Variants in HCN1 observed in about 807,000 individuals in gnomAD.
HCN1 encodes potassium/sodium hyperpolarization-activated cyclic nucleotide-gated channel 1.
In HCN1, 13 loss-of-function variants were observed where a neutral mutation model predicts 78.9. That is an observed-to-expected ratio of 0.16 (90% CI 0.11 to 0.26). HCN1 has a LOEUF of 0.26. Among genes scored for constraint, HCN1 ranks in the 10% least tolerant of loss-of-function variants. The pLI is 1.00. For synonymous variants in HCN1, 552 were observed against 455.5 expected (o/e 1.21, Z -2.70); for missense variants, 810 against 1,154.3 (o/e 0.70, Z 4.32).
chr5:45,286,266 C>T (rs1235751037), intron 6 of HCN1, among the ~76,000 whole-genome samples: 1 of 151,698 alleles, frequency 6.6e-6, no homozygotes, highest in Non-Finnish European at 1.5e-5. Context: ...TTTCTGTTCT[C>T]CAAGTTATAA....
At chr5:45,597,369 C>A (rs988835339) in intron 2 of HCN1, among the ~76,000 whole-genome samples, 30 of 152,084 alleles carry the variant, frequency 2.0e-4, no homozygotes, top group Admixed American at 1.3e-3. Flanking sequence ...AATTCAACAG[C>A]CCTTCATGCT....
intron 2 of HCN1, among the ~76,000 whole-genome samples, chr5:45,493,392 A>G (rs1448293503): frequency 1.3e-5 from 2 of 151,920 alleles, no homozygotes; most frequent in African/African-American, 2.4e-5. Flanking sequence ...AATGTCTCCA[A>G]GTCCATGATT....
At chr5:45,270,668 A>G (rs1286938563) in intron 6 of HCN1, among the ~76,000 whole-genome samples, 2 of 152,160 alleles carry the variant, frequency 1.3e-5, no homozygotes, top group Non-Finnish European at 2.9e-5. Context: ...GGATGAGATA[A>G]AGGCATGTCC....
chr5:45,331,681 C>T (rs947899262), intron 5 of HCN1, among the ~76,000 whole-genome samples: 17 of 151,350 alleles, frequency 1.1e-4, no homozygotes, highest in Non-Finnish European at 2.5e-4. Context: ...CTCAACACAC[C>T]TGCTCATAAT....
At chr5:45,590,287 T>C (rs867694854) in intron 2 of HCN1, among the ~76,000 whole-genome samples, 2 of 152,150 alleles carry the variant, frequency 1.3e-5, no homozygotes. Context: ...TCCAAAAATG[T>C]TTCATAGAAT....
At chr5:45,266,684 G>A (rs548925820) in intron 7 of HCN1, among the ~76,000 whole-genome samples, 1 of 150,758 alleles carries the variant, frequency 6.6e-6, no homozygotes, top group Non-Finnish European at 1.5e-5. Flanking sequence ...TAACAAGCAA[G>A]CTATAAACTG....
At chr5:45,525,944 A>G (rs1742728300) in intron 2 of HCN1, among the ~76,000 whole-genome samples, 1 of 151,924 alleles carries the variant, frequency 6.6e-6, no homozygotes, top group Non-Finnish European at 1.5e-5. Context: ...CCTTATAAGA[A>G]AAGAAGGAGA....
intron 5 of HCN1, among the ~76,000 whole-genome samples, chr5:45,319,087 C>G (rs1478636192): frequency 1.3e-5 from 2 of 151,958 alleles, no homozygotes; most frequent in African/African-American, 4.8e-5. Flanking sequence ...TTTATCCATT[C>G]TACTCTTCAT....
chr5:45,263,575 G>C (rs1458881184), intron 7 of HCN1, among the ~76,000 whole-genome samples: 1 of 152,164 alleles, frequency 6.6e-6, no homozygotes, highest in Non-Finnish European at 1.5e-5. Context: ...GAGGAGGACT[G>C]TATCAGGTTT....
chr5:45,358,478 T>A (rs1747047958), intron 4 of HCN1, among the ~76,000 whole-genome samples: 1 of 152,098 alleles, frequency 6.6e-6, no homozygotes, highest in African/African-American at 2.4e-5. Context: ...TTTCTCTGCA[T>A]CACCATTCTG....
chr5:45,607,274 T>A (rs2696010), intron 2 of HCN1, among the ~76,000 whole-genome samples: 1 of 151,808 alleles, frequency 6.6e-6, no homozygotes, highest in African/African-American at 2.4e-5. Context: ...TAAAAATACC[T>A]TTTTTAAGAG....
intron 1 of HCN1, among the ~76,000 whole-genome samples, chr5:45,658,875 G>A (rs1745851774): frequency 6.7e-6 from 1 of 149,256 alleles, no homozygotes; most frequent in African/African-American, 2.5e-5. Context: ...CGAGGCTGGG[G>A]GAGGGGCGCC....
chr5:45,316,045 A>T lies in HCN1; in HGVS notation c.1378-12206T>A, dbSNP rs146075409. ...ATTCCAATCAATAGATAAAGAGGGA[A>T]TCCTACCTAACTCATTTTATGAGGC... On this transcript the variant is annotated intron_variant, in intron 5 of 7. Coordinates refer to ENST00000303230, the MANE Select transcript of HCN1 (RefSeq NM_021072.4). Among the ~76,000 whole-genome samples, 101 of 152,290 alleles carry T rather than the reference A, an allele frequency of 6.6e-4. 1 individual carries two copies. The East Asian group carries it at 0.012, about 18-fold the overall frequency.
chr5:45,554,371 G>A (rs1743430023), intron 2 of HCN1, among the ~76,000 whole-genome samples: 1 of 151,730 alleles, frequency 6.6e-6, no homozygotes, highest in Non-Finnish European at 1.5e-5. Flanking sequence ...CTGATAAAAT[G>A]TAATCTATCA....
chr5:45,677,020 T>C lies in HCN1; in HGVS notation c.425+18649A>G, dbSNP rs80335816. ...GCAGTTGCTTCATTATAACTTTAAC[T>C]TGCCAAGTATTCAGTTCTGTCTTCA... On this transcript the variant is annotated intron_variant, in intron 1 of 7. Coordinates refer to ENST00000303230, the MANE Select transcript of HCN1 (RefSeq NM_021072.4). Among the ~76,000 whole-genome samples the C allele has an allele frequency of 3.0e-3, 458 of 151,960 alleles. 2 individuals carry two copies. The East Asian group carries it at 0.035, about 12-fold the overall frequency.
At chr5:45,530,886 A>C (rs77417943) in intron 2 of HCN1, among the ~76,000 whole-genome samples, 4,999 of 152,220 alleles carry the variant, frequency 0.033, 266 homozygotes, top group African/African-American at 0.11. Context: ...AGTCAACAAC[A>C]GGAGTTACCC....
chr5:45,331,189 A>G (rs1746337173), intron 5 of HCN1, among the ~76,000 whole-genome samples: 1 of 151,194 alleles, frequency 6.6e-6, no homozygotes, highest in Admixed American at 6.6e-5. Flanking sequence ...GGAGATGACA[A>G]CATTTAAATA....
intron 3 of HCN1, among the ~76,000 whole-genome samples, chr5:45,445,459 G>T (rs967822814): frequency 6.6e-6 from 1 of 152,204 alleles, no homozygotes; most frequent in African/African-American, 2.4e-5. Flanking sequence ...TGGGGGCAGG[G>T]CACAGACAAA....
chr5:45,314,395 C>A (rs577380964), intron 5 of HCN1, among the ~76,000 whole-genome samples: 27 of 152,234 alleles, frequency 1.8e-4, no homozygotes, highest in Non-Finnish European at 1.9e-4. Flanking sequence ...CCGGTACCAG[C>A]CATTGCAAAA....
Sources: gnomAD v4.1 joint callset for allele counts (sites outside exome capture counted in the v4.1 genomes callset) on GRCh38, gnomAD v4.1.1 for gene constraint, MANE v1.5 for transcripts, NCBI Gene and HGNC (gene_info 2026-07-23, HGNC 2026-07-21) for gene names.